FBXL17: variants seen among roughly 807,000 people sequenced by gnomAD.
FBXL17 encodes F-box/LRR-repeat protein 17.
Under a neutral mutation model 66.2 loss-of-function variants are expected in FBXL17, and 22 were observed. The ratio of observed to expected loss-of-function variants is 0.33; its 90% CI spans 0.24 to 0.47. The LOEUF (loss-of-function observed/expected upper bound fraction) is 0.47. Among genes scored for constraint, FBXL17 ranks in the 20% least tolerant of loss-of-function variants. The probability of loss-of-function intolerance (pLI) is 1.00; values close to 1 mark genes in which losing one functional copy is unlikely to be tolerated. For synonymous variants in FBXL17, 474 were observed against 400.5 expected, an observed-to-expected ratio of 1.18 and a Z score of -2.19; for missense variants, 878 against 948.2, an observed-to-expected ratio of 0.93 and a Z score of 0.97.
intron 6 of FBXL17, among the ~76,000 whole-genome samples, chr5:108,152,150 C>T (rs1032686760): frequency 6.6e-6 from 1 of 152,234 alleles, no homozygotes. Flanking sequence ...TAACCAGAAG[C>T]ACAAAATTTA....
intron 7 of FBXL17, among the ~76,000 whole-genome samples, chr5:107,911,957 A>T (rs549846355): frequency 6.6e-6 from 1 of 152,298 alleles, no homozygotes; most frequent in Middle Eastern, 3.4e-3. Flanking sequence ...GCAAATTAAA[A>T]TGTCACTGAA....
chr5:108,187,311 T>C (rs947327454), intron 5 of FBXL17, among the ~76,000 whole-genome samples: 5 of 152,212 alleles, frequency 3.3e-5, no homozygotes, highest in African/African-American at 9.6e-5. Flanking sequence ...TGGAGGCATA[T>C]GATAGACCAA....
intron 7 of FBXL17, among the ~76,000 whole-genome samples, chr5:108,015,306 T>G (rs1561368612): frequency 6.6e-6 from 1 of 152,052 alleles, no homozygotes; most frequent in Non-Finnish European, 1.5e-5. Flanking sequence ...AATAATAGAA[T>G]GGAAAAAAAA....
intron 4 of FBXL17, among the ~76,000 whole-genome samples, chr5:108,272,067 G>A (rs1757295060): frequency 6.6e-6 from 1 of 152,134 alleles, no homozygotes; most frequent in Non-Finnish European, 1.5e-5. Flanking sequence ...GAGATGGGAG[G>A]ATCACGAGGT....
At chr5:108,146,993 C>T (rs1229434509) in intron 6 of FBXL17, among the ~76,000 whole-genome samples, 1 of 152,186 alleles carries the variant, frequency 6.6e-6, no homozygotes, top group African/African-American at 2.4e-5. Context: ...TGAAGGTTCT[C>T]TCTCTGCTTC....
At position 108,169,381 on chromosome 5, in the gene FBXL17, A is replaced by G. The variant is rs1182331278; in HGVS notation, c.1745+16736T>C. Reference sequence around the variant, plus strand: ...AAAGATAGTCATTCCATAAATGTCTATACATCTGTAGAAAGAAATGTTATA... The same window carrying G: ...AAAGATAGTCATTCCATAAATGTCTGTACATCTGTAGAAAGAAATGTTATA... On this transcript the variant is annotated intron_variant, in intron 6 of 8. Coordinates refer to ENST00000542267, the MANE Select transcript of FBXL17 (RefSeq NM_001163315.3). 5.3e-5 allele frequency among the ~76,000 whole-genome samples: 8 copies of G among 152,352 alleles called. No individual in the cohort carries two copies. The East Asian group carries it at 1.5e-3, about 29-fold the overall frequency.
At chr5:108,222,014 G>C (rs574718539) in intron 5 of FBXL17, among the ~76,000 whole-genome samples, 1 of 152,272 alleles carries the variant, frequency 6.6e-6, no homozygotes, top group Admixed American at 6.5e-5. Context: ...AGGACTAACT[G>C]TAATACAAGT....
At chr5:107,947,528 T>A (rs939492058) in intron 7 of FBXL17, among the ~76,000 whole-genome samples, 2 of 152,242 alleles carry the variant, frequency 1.3e-5, no homozygotes, top group African/African-American at 2.4e-5. Context: ...CCCCCTTTTC[T>A]CACCTGCCAA....
intron 7 of FBXL17, among the ~76,000 whole-genome samples, chr5:107,946,839 T>C (rs1478835582): frequency 6.6e-6 from 1 of 152,094 alleles, no homozygotes; most frequent in African/African-American, 2.4e-5. Context: ...AAAATACCCA[T>C]GAATGGATAA....
At chr5:107,981,510 A>T (rs1752826915) in intron 7 of FBXL17, among the ~76,000 whole-genome samples, 1 of 152,220 alleles carries the variant, frequency 6.6e-6, no homozygotes, top group Non-Finnish European at 1.5e-5. Context: ...GAAGCTACTC[A>T]GTCAGGACAG....
At chr5:108,032,591 A>G (rs1746683643) in intron 6 of FBXL17, among the ~76,000 whole-genome samples, 1 of 152,146 alleles carries the variant, frequency 6.6e-6, no homozygotes, top group Non-Finnish European at 1.5e-5. Context: ...TTACTACAGA[A>G]ACAGAGATTG....
At chr5:108,162,389 G>C (rs147157782) in intron 6 of FBXL17, among the ~76,000 whole-genome samples, 2 of 151,948 alleles carry the variant, frequency 1.3e-5, no homozygotes, top group African/African-American at 4.8e-5. Context: ...CCAGCTACTC[G>C]GGAGACTGAA....
chr5:107,960,318 G>C (rs1243848333), intron 7 of FBXL17, among the ~76,000 whole-genome samples: 1 of 151,998 alleles, frequency 6.6e-6, no homozygotes, highest in Non-Finnish European at 1.5e-5. Context: ...TTTGTGGTGA[G>C]AACATTGGAA....
chr5:108,318,811 T>C (rs1381855740), intron 4 of FBXL17, among the ~76,000 whole-genome samples: 1 of 151,950 alleles, frequency 6.6e-6, no homozygotes, highest in Non-Finnish European at 1.5e-5. Context: ...GTCAAACAAG[T>C]GATGGTTATG....
chr5:108,015,507 C>G (rs1754349889), intron 7 of FBXL17, among the ~76,000 whole-genome samples: 1 of 151,814 alleles, frequency 6.6e-6, no homozygotes, highest in African/African-American at 2.4e-5. Flanking sequence ...ATGAAAAAAA[C>G]AGGAATTTCA....
intron 7 of FBXL17, among the ~76,000 whole-genome samples, chr5:107,888,613 C>G (rs1393606828): frequency 6.6e-6 from 1 of 152,102 alleles, no homozygotes; most frequent in Non-Finnish European, 1.5e-5. Context: ...AGTCAAACAC[C>G]AAACATTCTT....
intron 6 of FBXL17, among the ~76,000 whole-genome samples, chr5:108,108,852 C>T (rs1027775833): frequency 6.9e-5 from 10 of 145,930 alleles, no homozygotes; most frequent in South Asian, 4.4e-4. Context: ...GGTGTGATCT[C>T]GGCTCACTGC....
At chr5:108,045,618 G>A (rs147419303) in intron 6 of FBXL17, among the ~76,000 whole-genome samples, 85 of 152,030 alleles carry the variant, frequency 5.6e-4, no homozygotes, top group African/African-American at 2.0e-3. Context: ...CACTATTTTA[G>A]CAGTTTTCTA....
chr5:107,872,903 A>G (rs558519352), intron 8 of FBXL17, among the ~76,000 whole-genome samples: 1 of 152,318 alleles, frequency 6.6e-6, no homozygotes, highest in South Asian at 2.1e-4. Flanking sequence ...GTGAAATGGA[A>G]GACAAGAGAC....
Sources: allele counts gnomAD v4.1 joint callset (sites outside exome capture counted in the v4.1 genomes callset), GRCh38; gene constraint gnomAD v4.1.1; transcripts MANE v1.5; gene names NCBI Gene and HGNC (gene_info 2026-07-23, HGNC 2026-07-21).